Variants in DLG3 observed in about 807,000 individuals in gnomAD.
The protein encoded by DLG3 is disks large homolog 3.
DLG3 carries 1 observed loss-of-function variant against 64.1 expected under a neutral mutation model. The observed-to-expected ratio is 0.02, with a 90% CI of 0.01 to 0.07. The LOEUF is 0.07. Ranked by LOEUF, DLG3 falls within the 10% of genes least tolerant of loss-of-function variation. The pLI is 1.00. For synonymous variants in DLG3, 245 were observed against 259.8 expected (o/e 0.94, Z 0.55); for missense variants, 429 against 669.5 (o/e 0.64, Z 3.96).
intron 9 of DLG3, among the ~76,000 whole-genome samples, chrX:70,456,873 C>T (rs767860957): frequency 9.0e-6 from 1 of 111,244 alleles, no homozygotes; most frequent in Admixed American, 9.5e-5. Flanking sequence ...AATAAGGACT[C>T]CATGTTGATC....
chrX:70,455,643 C>T (rs778325750), intron 9 of DLG3: 1 of 111,434 alleles, frequency 9.0e-6, no homozygotes, highest in African/African-American at 3.3e-5. Flanking sequence ...ATCTTCCCCT[C>T]CCCCGACACC....
At chrX:70,481,003 C>T (rs936554982) in intron 10 of DLG3, among the ~76,000 whole-genome samples, 2 of 111,874 alleles carry the variant, frequency 1.8e-5, no homozygotes, top group Non-Finnish European at 3.8e-5. Flanking sequence ...ATAATCTGCC[C>T]GTAACCTTCT....
rs371561978 is a variant in DLG3 at position 70,486,650 on chromosome X, C to CTTT, written c.1521-5440_1521-5438dup. Among the ~76,000 whole-genome samples the CTTT allele has an allele frequency of 4.5e-3, 320 of 71,587 alleles. 5 individuals carry two copies. Among genetic ancestry groups the CTTT allele is most frequent in the African/African-American group, 0.015 (308 of 20,075 alleles). The allele number at this position is 71,587 out of a possible 115,157, so 62.2% of individuals were successfully genotyped here. ...GGTATTAAGAGACAAATACCTTTTG[C>CTTT]TTTTTTTTTTTTTTTTTTTCATGCT... is the stretch of plus-strand genomic sequence containing the variant. On this transcript the variant is annotated intron_variant, in intron 10 of 18. Coordinates refer to ENST00000374360, the MANE Select transcript of DLG3 (RefSeq NM_021120.4).
At chrX:70,482,509 T>G (rs777583737) in intron 10 of DLG3, among the ~76,000 whole-genome samples, 1 of 110,956 alleles carries the variant, frequency 9.0e-6, no homozygotes, top group African/African-American at 3.3e-5. Context: ...AACTGGAACT[T>G]GAACTTGGTT....
chrX:70,477,089 A>G (rs2087066592), intron 9 of DLG3, among the ~76,000 whole-genome samples: 1 of 112,737 alleles, frequency 8.9e-6, no homozygotes, highest in African/African-American at 3.2e-5. Flanking sequence ...CTTTGAGGAA[A>G]TGGTGGTTTC....
intron 9 of DLG3, among the ~76,000 whole-genome samples, chrX:70,462,386 A>G (rs1251487505): frequency 9.4e-6 from 1 of 105,982 alleles, no homozygotes; most frequent in Non-Finnish European, 1.9e-5. Context: ...AGTAGCTGGG[A>G]CTACAGATGT....
At chrX:70,452,727 C>T in intron 7 of DLG3, 1 of 1,196,480 alleles carries the variant, frequency 8.4e-7, no homozygotes, top group East Asian at 3.0e-5. Flanking sequence ...CTGGCCGCTC[C>T]GCTCCCTGCG....
At chrX:70,447,066 G>A (rs186831355) in intron 1 of DLG3, among the ~76,000 whole-genome samples, 2 of 110,968 alleles carry the variant, frequency 1.8e-5, no homozygotes, top group East Asian at 2.8e-4. Flanking sequence ...CCTTTCTCTC[G>A]CAAACACCCT....
intron 18 of DLG3, among the ~76,000 whole-genome samples, chrX:70,501,756 C>G (rs560558541): frequency 9.0e-6 from 1 of 111,484 alleles, no homozygotes; most frequent in African/African-American, 3.3e-5. Context: ...TGGAGAACTG[C>G]GATTTTCCAA....
chrX:70,454,958 A>G (rs1038986344), intron 9 of DLG3: 2 of 621,564 alleles, frequency 3.2e-6, no homozygotes, highest in African/African-American at 4.9e-5. Context: ...ACCGAGGCCC[A>G]GGTGCCGAGG....
intron 13 of DLG3, 42 bp from the exon 14 acceptor site, chrX:70,498,478 G>A (rs770632288): frequency 8.5e-7 from 1 of 1,180,799 alleles, no homozygotes; most frequent in African/African-American, 1.8e-5. Context: ...ACAGAAGGAG[G>A]CAGATCATAT....
chrX:70,481,460 T>C (rs2087153469), intron 10 of DLG3, among the ~76,000 whole-genome samples: 1 of 112,269 alleles, frequency 8.9e-6, no homozygotes, highest in Admixed American at 9.5e-5. Flanking sequence ...TGGGGCTCTT[T>C]CCTGTGATTA....
At position 70,452,741 on chromosome X, in the gene DLG3, C is replaced by G. The variant is rs186178441; in HGVS notation, c.1145+715C>G. ...CCTGGCCGCTCCGCTCCCTGCGGCC[C>G]GGAGGGGATGCCAGGTAGGAGTGGA... On this transcript the variant is annotated intron_variant, in intron 7 of 18. Transcript: ENST00000374360. 7.0e-4 allele frequency: 834 copies of G among 1,187,235 alleles called. 4 individuals carry two copies. The African/African-American group carries it at 0.012, about 18-fold the overall frequency.
intron 9 of DLG3, among the ~76,000 whole-genome samples, chrX:70,470,304 C>T (rs1349134425): frequency 1.8e-5 from 2 of 110,386 alleles, no homozygotes; most frequent in Admixed American, 1.9e-4. Flanking sequence ...TCTCAGCTCA[C>T]TGCAACCTCT....
Position 70,504,488 on chromosome X carries a change from G to A in DLG3, c.*2219G>A, listed in dbSNP as rs944273781. ...TCTCCTTAGTGATGATCAGCTAGCCGAGCTGGGCCGTCCTGGGGATCGGTA... is the reference window on the plus strand; with the variant it reads ...TCTCCTTAGTGATGATCAGCTAGCCAAGCTGGGCCGTCCTGGGGATCGGTA... On this transcript the variant is annotated 3_prime_UTR_variant, in exon 19 of 19. Coordinates refer to ENST00000374360, the MANE Select transcript of DLG3 (RefSeq NM_021120.4). The A allele has an allele frequency of 8.9e-6, 1 of 111,911 alleles. No individual in the cohort carries two copies. The highest frequency in any genetic ancestry group is 2.8e-4 in the East Asian group (1 of 3,546). 9.2% of individuals were successfully genotyped at this position (111,911 alleles called of 1,213,427 possible).
At chrX:70,502,120 G>A in intron 18 of DLG3, 43 bp from the exon 19 acceptor site, 1 of 1,024,663 alleles carries the variant, frequency 9.8e-7, no homozygotes, top group East Asian at 3.1e-5. Flanking sequence ...TGGGGGATGT[G>A]CTATGGACCA....
chrX:70,449,951 T>C, intron 4 of DLG3, 92 bp downstream of exon 4: 1 of 1,071,344 alleles, frequency 9.3e-7, no homozygotes, highest in Non-Finnish European at 1.3e-6. Flanking sequence ...ATGGCCTTAC[T>C]CCTTGCCTGA....
At chrX:70,481,383 A>G (rs913703850) in intron 10 of DLG3, among the ~76,000 whole-genome samples, 2 of 112,432 alleles carry the variant, frequency 1.8e-5, no homozygotes, top group East Asian at 5.5e-4. Flanking sequence ...TCAAGATATT[A>G]CTAAGTATTG....
At chrX:70,465,355 A>G (rs960382521) in intron 9 of DLG3, among the ~76,000 whole-genome samples, 6 of 111,914 alleles carry the variant, frequency 5.4e-5, no homozygotes, top group African/African-American at 1.9e-4. Context: ...GTTTAACTGG[A>G]CTTGTCTGGA....
Sources: gnomAD v4.1 joint callset for allele counts (sites outside exome capture counted in the v4.1 genomes callset) on GRCh38, gnomAD v4.1.1 for gene constraint, MANE v1.5 for transcripts, NCBI Gene and HGNC (gene_info 2026-07-23, HGNC 2026-07-21) for gene names.